The following GLB1L2 variants were observed in gnomAD, a reference collection of about 807,000 sequenced individuals.
The protein encoded by GLB1L2 is beta-galactosidase-1-like protein 2.
GLB1L2 carries 68 observed loss-of-function variants against 84.1 expected under a neutral mutation model. The observed-to-expected ratio is 0.81, with a 90% CI of 0.67 to 0.99. The LOEUF is 0.99. Among genes scored for constraint, GLB1L2 ranks in the 50% least tolerant of loss-of-function variants. The probability of loss-of-function intolerance (pLI) is 0.00; values close to 1 mark genes in which losing one functional copy is unlikely to be tolerated. For missense variants in GLB1L2, 762 were observed against 805.6 expected (o/e 0.95, Z 0.66); for synonymous variants, 290 against 318.0 (o/e 0.91, Z 0.94).
chr11:134,343,751 C>T (rs777325369), intron 2 of GLB1L2, among the ~76,000 whole-genome samples: 10 of 152,194 alleles, frequency 6.6e-5, no homozygotes, highest in African/African-American at 1.9e-4. Flanking sequence ...GAAGCAGCAC[C>T]GACGACACTT....
rs928209062 is a variant in GLB1L2 at position 134,334,125 on chromosome 11, C to G, written c.86+1978C>G. On this transcript the variant is annotated intron_variant, in intron 1 of 18. Transcript: ENST00000535456. The surrounding 1 kb of genome is among the most constrained non-coding windows in gnomAD (Gnocchi z 4.1). ...TCTTCCTGTCTTGCCCCAGCTCTGA[C>G]TGGGTCATTAACTGAGTGGGAGGTG... 2.0e-5 allele frequency among the ~76,000 whole-genome samples: 3 copies of G among 152,106 alleles called. No homozygotes were observed. Among genetic ancestry groups the G allele is most frequent in the African/African-American group, 7.2e-5 (3 of 41,410 alleles).
In GLB1L2 at chr11:134,369,861, C is replaced by T. The variant is rs145241366; in HGVS notation, c.1084C>T (p.Arg362Ter). The change falls in exon 11 of 19, where the codon CGA becomes TGA. Residue 362 changes from arginine (R) to a stop codon, truncating the protein, a stop_gained. Coordinates refer to ENST00000535456, the MANE Select transcript of GLB1L2 (RefSeq NM_001370461.1). LOFTEE classifies it high-confidence loss of function. ...GDYTAKYMKL[R>*]DFFGSISGIP... is the part of the protein sequence containing the mutation. ...TTACACGGCCAAGTACATGAAGCTT[C>T]GAGACTTCTTCGGCTCCATCTCAGG... is the stretch of plus-strand genomic sequence containing the variant. The T allele has an allele frequency of 1.5e-5, 24 of 1,613,566 alleles. No homozygotes were observed. The highest frequency in any genetic ancestry group is 7.7e-5 in the South Asian group (7 of 91,066).
chr11:134,337,110 A>G (rs1370128990), intron 1 of GLB1L2, among the ~76,000 whole-genome samples: 1 of 152,228 alleles, frequency 6.6e-6, no homozygotes, highest in African/African-American at 2.4e-5. Flanking sequence ...TTAGGAAATA[A>G]CTGCTCTCTG....
intron 1 of GLB1L2, 141 bp downstream of exon 1, chr11:134,332,288 A>T: frequency 1.7e-6 from 1 of 575,212 alleles, no homozygotes; most frequent in Non-Finnish European, 3.0e-6. Context: ...GAGCTCCCCA[A>T]TACCCCCGAG....
At chr11:134,347,187 T>C (rs1267288006) in intron 4 of GLB1L2, 138 bp from the exon 5 acceptor site, 2 of 716,240 alleles carry the variant, frequency 2.8e-6, no homozygotes, top group African/African-American at 3.5e-5. Context: ...TCCCCACTTC[T>C]GGGCTCAGTG....
In GLB1L2 at chr11:134,370,911, C is replaced by A; in HGVS notation, c.1216-97C>A. 7.2e-7 allele frequency: 1 copy of A among 1,396,014 alleles called. No individual in the cohort carries two copies. The highest frequency in any genetic ancestry group is 9.9e-7 in the Non-Finnish European group (1 of 1,010,006). 86.5% of individuals were successfully genotyped at this position (1,396,014 alleles called of 1,614,324 possible). On this transcript the variant is annotated intron_variant, in intron 12 of 18. Coordinates refer to ENST00000535456, the MANE Select transcript of GLB1L2 (RefSeq NM_001370461.1). The surrounding 1 kb of genome is among the most constrained non-coding windows in gnomAD (Gnocchi z 4.7). ...GTCAAAGTAGAAAACACCCACCAAA[C>A]CTCCGCTTCCACCCCATGTGCCAGC...
rs1265035545 is a variant in GLB1L2 at position 134,342,964 on chromosome 11, C to T, written c.284+13C>T. On this transcript the variant is annotated intron_variant, in intron 2 of 18. Coordinates refer to ENST00000535456, the MANE Select transcript of GLB1L2 (RefSeq NM_001370461.1). ...ACACCCTCACCACGTAGGTGCTGCC[C>T]CTGTCCCCCCGGAGCCTGGTTCCTA... The T allele has an allele frequency of 1.2e-6, 2 of 1,600,106 alleles. No individual in the cohort carries two copies. The highest frequency in any genetic ancestry group is 1.7e-6 in the Non-Finnish European group (2 of 1,171,398).
At position 134,343,091 on chromosome 11, in the gene GLB1L2, A is replaced by G. The variant is rs1157456591; in HGVS notation, c.284+140A>G. 4.9e-6 allele frequency: 4 copies of G among 814,948 alleles called. No individual in the cohort carries two copies. In the African/African-American group the frequency reaches 5.2e-5, roughly 11 times the overall value. 50.5% of individuals were successfully genotyped at this position (814,948 alleles called of 1,614,324 possible). A position where few individuals can be genotyped will look rare whatever the true frequency, so the allele number is the denominator to read the frequency against. On this transcript the variant is annotated intron_variant, in intron 2 of 18. Transcript: ENST00000535456. The stretch of plus-strand genomic sequence containing the variant: ...CAGGGTCTCCCTCCTCCTCCCCACC[A>G]CAGAGCTCCTGACTCATGGGCGCCA...
chr11:134,374,592 C>T lies in GLB1L2; in HGVS notation c.1708-10C>T. ...CGTGGTAGATGAACACCCTTCCCCT[C>T]TGTTTCAAGGGCTGGGAGAAGGGGG... On this transcript the variant is annotated splice_polypyrimidine_tract_variant and intron_variant, in intron 17 of 18. Coordinates refer to ENST00000535456, the MANE Select transcript of GLB1L2 (RefSeq NM_001370461.1). The T allele has an allele frequency of 6.2e-7, 1 of 1,604,612 alleles. No homozygotes were observed. The highest frequency in any genetic ancestry group is 1.7e-5 in the Admixed American group (1 of 59,990).
chr11:134,364,673 CCTCAACTAG>C, intron 8 of GLB1L2: 2 of 398,816 alleles, frequency 5.0e-6, no homozygotes, highest in Non-Finnish European at 9.0e-6. Context: ...ACTTTTGTGG[CCTCAACTAG>C]CTCCAGACTT....
chr11:134,337,594 C>T (rs1054816795), intron 1 of GLB1L2, among the ~76,000 whole-genome samples: 2 of 152,206 alleles, frequency 1.3e-5, no homozygotes, highest in Admixed American at 1.3e-4. Context: ...TATCCCCAAA[C>T]AGACAGTTTA....
intron 6 of GLB1L2, among the ~76,000 whole-genome samples, chr11:134,357,142 G>C (rs975056984): frequency 1.3e-5 from 2 of 152,250 alleles, no homozygotes; most frequent in African/African-American, 4.8e-5. Context: ...TTCGGCCATG[G>C]TGTGAGCTGA....
chr11:134,338,986 C>A lies in GLB1L2; in HGVS notation c.87-3768C>A, dbSNP rs926676921. 2.0e-5 allele frequency among the ~76,000 whole-genome samples: 3 copies of A among 152,156 alleles called. No homozygotes were observed. The highest frequency in any genetic ancestry group is 7.2e-5 in the African/African-American group (3 of 41,426). The stretch of plus-strand genomic sequence containing the variant: ...CCGGACTCTTCTAAGGTGGAAAAAT[C>A]GCTTTGGATAAATGAAGCCGAGATA... On this transcript the variant is annotated intron_variant, in intron 1 of 18. Transcript: ENST00000535456. The surrounding 1 kb of genome is among the most constrained non-coding windows in gnomAD (Gnocchi z 6.2).
chr11:134,363,021 G>A (rs183598252), intron 7 of GLB1L2, among the ~76,000 whole-genome samples: 151 of 152,282 alleles, frequency 9.9e-4, no homozygotes, highest in African/African-American at 3.0e-3. Context: ...TTTGTGAGAC[G>A]TATCAGGAAG....
Position 134,370,239 on chromosome 11 carries a change from A to C in GLB1L2, c.1109-54A>C. 6.8e-7 allele frequency: 1 copy of C among 1,461,852 alleles called. No homozygotes were observed. Among genetic ancestry groups the C allele is most frequent in the South Asian group, 1.1e-5 (1 of 87,930 alleles). 90.6% of individuals were successfully genotyped at this position (1,461,852 alleles called of 1,614,324 possible). ...GGATGGGAGCCGGGTGGGGAGGACGAGCAGGCAGTGACATTTGGGTCCGTT... is the reference window on the plus strand; with the variant it reads ...GGATGGGAGCCGGGTGGGGAGGACGCGCAGGCAGTGACATTTGGGTCCGTT... On this transcript the variant is annotated intron_variant, in intron 11 of 18. Transcript: ENST00000535456. This position sits in a 1 kb window ranked among gnomAD's most constrained non-coding sequence, Gnocchi z 4.7.
At chr11:134,369,481 T>C (rs878911774) in intron 10 of GLB1L2, among the ~76,000 whole-genome samples, 187 of 51,734 alleles carry the variant, frequency 3.6e-3, no homozygotes, top group Middle Eastern at 0.014. Context: ...AGGTGCGAGC[T>C]GCTGCACAAG....
At position 134,371,835 on chromosome 11, in the gene GLB1L2, G is replaced by A; in HGVS notation, c.1507+5G>A. On this transcript the variant is annotated splice_donor_5th_base_variant and intron_variant, in intron 15 of 18. Transcript: ENST00000535456. ...ATATTGATGACCAGCGCAAAGGTGG[G>A]TCCCAGAATGTGTCAAAAGAAGAGT... The A allele has an allele frequency of 6.2e-7, 1 of 1,613,606 alleles. No individual in the cohort carries two copies. Among genetic ancestry groups the A allele is most frequent in the Non-Finnish European group, 8.5e-7 (1 of 1,179,544 alleles).
chr11:134,370,225 G>T lies in GLB1L2; in HGVS notation c.1109-68G>T, dbSNP rs138825953. 1 of 1,312,030 alleles carries T rather than the reference G, an allele frequency of 7.6e-7. No individual in the cohort carries two copies. The highest frequency in any genetic ancestry group is 1.1e-6 in the Non-Finnish European group (1 of 906,542). 81.3% of individuals were successfully genotyped at this position (1,312,030 alleles called of 1,614,324 possible). ...CACATCGGGTCTGTGGATGGGAGCC[G>T]GGTGGGGAGGACGAGCAGGCAGTGA... is the stretch of plus-strand genomic sequence containing the variant. On this transcript the variant is annotated intron_variant, in intron 11 of 18. Coordinates refer to ENST00000535456, the MANE Select transcript of GLB1L2 (RefSeq NM_001370461.1). This position sits in a 1 kb window ranked among gnomAD's most constrained non-coding sequence, Gnocchi z 4.7.
chr11:134,337,652 C>G (rs1045868807), intron 1 of GLB1L2, among the ~76,000 whole-genome samples: 1 of 152,174 alleles, frequency 6.6e-6, no homozygotes, highest in African/African-American at 2.4e-5. Flanking sequence ...AGCCTAGAAC[C>G]GAACCAGAAT....
Sources: gnomAD v4.1 joint callset for allele counts (sites outside exome capture counted in the v4.1 genomes callset) on GRCh38, gnomAD v4.1.1 for gene constraint, Gnocchi (gnomAD v3.1) non-coding constraint, MANE v1.5 for transcripts, NCBI Gene and HGNC (gene_info 2026-07-23, HGNC 2026-07-21) for gene names.